The following SRGAP1 variants were observed in gnomAD, a reference collection of about 807,000 sequenced individuals.
SRGAP1 encodes the protein SLIT-ROBO Rho GTPase activating protein 1.
Under a neutral mutation model 121.9 loss-of-function variants are expected in SRGAP1, and 43 were observed. The ratio of observed to expected loss-of-function variants is 0.35; its 90% CI spans 0.28 to 0.46. The LOEUF is 0.46. SRGAP1 is among the 20% of genes least tolerant of loss of function. The pLI is 1.00. For synonymous variants in SRGAP1, 447 were observed against 485.4 expected (o/e 0.92, Z 1.04); for missense variants, 1,102 against 1,350.9 (o/e 0.82, Z 2.89).
At chr12:63,909,601 C>G (rs1246006533) in intron 1 of SRGAP1, among the ~76,000 whole-genome samples, 1 of 152,258 alleles carries the variant, frequency 6.6e-6, no homozygotes, top group East Asian at 1.9e-4. Context: ...GTACATGGCT[C>G]TGCTGTCGTA....
chr12:63,979,306 G>A (rs1251515943), intron 1 of SRGAP1, among the ~76,000 whole-genome samples: 1 of 152,086 alleles, frequency 6.6e-6, no homozygotes, highest in Non-Finnish European at 1.5e-5. Context: ...CCAAAGTGCT[G>A]GGATTACAGG....
intron 4 of SRGAP1, among the ~76,000 whole-genome samples, chr12:64,040,355 T>G (rs2034989560): frequency 6.6e-6 from 1 of 152,218 alleles, no homozygotes; most frequent in African/African-American, 2.4e-5. Context: ...AGTTATAAAA[T>G]TGGCTCTGAG....
At chr12:63,874,970 C>T (rs1485535432) in intron 1 of SRGAP1, among the ~76,000 whole-genome samples, 1 of 152,146 alleles carries the variant, frequency 6.6e-6, no homozygotes, top group Non-Finnish European at 1.5e-5. Context: ...GGCTAGAGTG[C>T]AGTTGCATGA....
In SRGAP1 at chr12:64,091,683, A is replaced by G. The variant is rs189936329; in HGVS notation, c.1539+305A>G. Among the ~76,000 whole-genome samples, 69 of 152,286 alleles carry G rather than the reference A, an allele frequency of 4.5e-4. 1 individual carries two copies. In the Middle Eastern group the frequency reaches 0.01, roughly 23 times the overall value. ...AAAAGCAACCTGATAAAAATGTTGT[A>G]TTTTTACTCATGCAAATGAGATGGC... On this transcript the variant is annotated intron_variant, in intron 12 of 21. Coordinates refer to ENST00000355086, the MANE Select transcript of SRGAP1 (RefSeq NM_020762.4).
chr12:63,886,141 A>G (rs1592915866), intron 1 of SRGAP1, among the ~76,000 whole-genome samples: 2 of 152,054 alleles, frequency 1.3e-5, no homozygotes, highest in Admixed American at 1.3e-4. Context: ...GCTCACTGCA[A>G]CCTTCGCCTC....
intron 6 of SRGAP1, among the ~76,000 whole-genome samples, chr12:64,047,812 C>G (rs1023281029): frequency 6.6e-6 from 1 of 151,922 alleles, no homozygotes; most frequent in African/African-American, 2.4e-5. Flanking sequence ...ATACTATAAG[C>G]AAATATAAAG....
Position 64,144,459 on chromosome 12 carries a change from A to G in SRGAP1, c.*1787A>G, listed in dbSNP as rs939256260. ...AGATCATTACTTTGATCTCTACCTC[A>G]GTTTGCCAGTGTAGTCATTCTATTG... On this transcript the variant is annotated 3_prime_UTR_variant, in exon 22 of 22. Transcript: ENST00000355086. The G allele has an allele frequency of 6.6e-6, 1 of 152,114 alleles. No homozygotes were observed. The highest frequency in any genetic ancestry group is 1.5e-5 in the Non-Finnish European group (1 of 68,018). 9.4% of individuals were successfully genotyped at this position (152,114 alleles called of 1,614,324 possible). A position where few individuals can be genotyped will look rare whatever the true frequency, so the allele number is the denominator to read the frequency against.
chr12:63,973,955 T>C (rs913878665), intron 1 of SRGAP1, among the ~76,000 whole-genome samples: 2 of 152,222 alleles, frequency 1.3e-5, no homozygotes, highest in African/African-American at 2.4e-5. Flanking sequence ...AGGAACACAG[T>C]CATTCCAAAA....
intron 3 of SRGAP1, among the ~76,000 whole-genome samples, chr12:64,015,721 G>A (rs577251878): frequency 6.6e-6 from 1 of 152,284 alleles, no homozygotes; most frequent in Non-Finnish European, 1.5e-5. Flanking sequence ...ATTTGCCCAA[G>A]CACCACACAG....
At position 63,908,578 on chromosome 12, in the gene SRGAP1, C is replaced by T. The variant is rs538693585; in HGVS notation, c.67+63695C>T. On this transcript the variant is annotated intron_variant, in intron 1 of 21. Coordinates refer to ENST00000355086, the MANE Select transcript of SRGAP1 (RefSeq NM_020762.4). The stretch of plus-strand genomic sequence containing the variant: ...CTAACTTTTGTATTTTTAGTAGAGA[C>T]AGGGTTTCACCATGTTGGCCAGGCT... Among the ~76,000 whole-genome samples, 27 of 152,258 alleles carry T rather than the reference C, an allele frequency of 1.8e-4. 1 individual carries two copies. The highest frequency in any genetic ancestry group is 9.1e-4 in the Admixed American group (14 of 15,306).
Position 64,148,024 on chromosome 12 carries a change from C to G in SRGAP1, c.*5352C>G, listed in dbSNP as rs1320282201. 1 of 167,232 alleles carries G rather than the reference C, an allele frequency of 6.0e-6. No individual in the cohort carries two copies. Among genetic ancestry groups the G allele is most frequent in the Non-Finnish European group, 1.3e-5 (1 of 78,300 alleles). The allele number at this position is 167,232 out of a possible 1,614,324, so 10.4% of individuals were successfully genotyped here. A position where few individuals can be genotyped will look rare whatever the true frequency, so the allele number is the denominator to read the frequency against. ...ATAGGGTGTCCTGCACAGGGCCCTG[C>G]CCATGAAGCTGTGGTTTTTCAGTCA... On this transcript the variant is annotated 3_prime_UTR_variant, in exon 22 of 22. Transcript: ENST00000355086.
chr12:63,969,383 G>A (rs548400757), intron 1 of SRGAP1, among the ~76,000 whole-genome samples: 5 of 152,192 alleles, frequency 3.3e-5, no homozygotes, highest in Non-Finnish European at 5.9e-5. Flanking sequence ...CTACTCTTTC[G>A]TTCTAAAAGA....
At chr12:64,045,272 A>C (rs1205664144) in intron 6 of SRGAP1, among the ~76,000 whole-genome samples, 2 of 152,096 alleles carry the variant, frequency 1.3e-5, no homozygotes, top group Non-Finnish European at 2.9e-5. Flanking sequence ...ATTTTATTTT[A>C]GTTTTTTGAG....
At chr12:63,958,263 G>C (rs1270623168) in intron 1 of SRGAP1, among the ~76,000 whole-genome samples, 1 of 152,146 alleles carries the variant, frequency 6.6e-6, no homozygotes, top group African/African-American at 2.4e-5. Flanking sequence ...CAGAGCCCCA[G>C]AAAGTTCTCC....
intron 8 of SRGAP1, among the ~76,000 whole-genome samples, chr12:64,068,297 G>A (rs7311881): frequency 0.85 from 107,436 of 126,734 alleles, 44,233 homozygotes; most frequent in Non-Finnish European, 0.88. Flanking sequence ...AAAAAAAAAA[G>A]TAGTAGGCAC....
chr12:64,101,308 G>GGTGTGTGTGTGTGTGTGTGT (rs59020353), intron 15 of SRGAP1, among the ~76,000 whole-genome samples: 2 of 138,010 alleles, frequency 1.4e-5, no homozygotes, highest in African/African-American at 5.3e-5. Flanking sequence ...TGGGGAAAGG[G>GGTGTGTGTGTGTGTGTGTGT]GTGTGTGTGT....
At chr12:64,106,105 G>A (rs11175258) in intron 15 of SRGAP1, among the ~76,000 whole-genome samples, 29,242 of 151,906 alleles carry the variant, frequency 0.19, 3,600 homozygotes, top group East Asian at 0.57. Context: ...CTGGAGCTTC[G>A]AACTCCTGGG....
chr12:64,124,224 AAT>A (rs780178830), intron 18 of SRGAP1, among the ~76,000 whole-genome samples: 2 of 152,214 alleles, frequency 1.3e-5, no homozygotes, highest in Non-Finnish European at 2.9e-5. Context: ...GAGAATTTTG[AAT>A]ATATCAAATG....
intron 3 of SRGAP1, among the ~76,000 whole-genome samples, chr12:64,008,909 G>T (rs1368454176): frequency 1.3e-5 from 2 of 152,056 alleles, no homozygotes; most frequent in South Asian, 2.1e-4. Context: ...ACACAATGTG[G>T]TCTAATTTGC....
Sources: allele counts gnomAD v4.1 joint callset (sites outside exome capture counted in the v4.1 genomes callset), GRCh38; gene constraint gnomAD v4.1.1; transcripts MANE v1.5; gene names NCBI Gene and HGNC (gene_info 2026-07-23, HGNC 2026-07-21).